MEPE: variants seen among roughly 807,000 people sequenced by gnomAD.
The protein encoded by MEPE is matrix, extracellular phosphoglycoprotein with ASARM motif (bone).
Under a neutral mutation model 7.3 loss-of-function variants are expected in MEPE, and 7 were observed. The ratio of observed to expected loss-of-function variants is 0.95; its 90% CI spans 0.54 to 1.79. The LOEUF (loss-of-function observed/expected upper bound fraction) is 1.79. Among genes scored for constraint, MEPE ranks in the 40% most tolerant of loss-of-function variants. The pLI is 0.00. For synonymous variants in MEPE, 214 were observed against 213.1 expected, an observed-to-expected ratio of 1.00 and a Z score of -0.04; for missense variants, 623 against 628.2, an observed-to-expected ratio of 0.99 and a Z score of 0.09.
chr4:87,843,050 TA>T (rs1235814763), intron 3 of MEPE, among the ~76,000 whole-genome samples: 2 of 152,194 alleles, frequency 1.3e-5, no homozygotes, highest in African/African-American at 4.8e-5. Flanking sequence ...TTTTACATGT[TA>T]ACATTCCAGT....
intron 3 of MEPE, chr4:87,839,937 C>A: frequency 1.3e-6 from 2 of 1,536,160 alleles, no homozygotes; most frequent in Non-Finnish European, 1.7e-6. Flanking sequence ...GCTCCTCAAG[C>A]CTCTCTACTA....
chr4:87,825,287 T>C (rs780575888), intron 1 of MEPE, among the ~76,000 whole-genome samples: 7 of 152,232 alleles, frequency 4.6e-5, no homozygotes, highest in African/African-American at 7.2e-5. Flanking sequence ...AGCTGTAGGT[T>C]AGTTCTGTAA....
At chr4:87,823,874 T>C (rs1056102945) in intron 1 of MEPE, among the ~76,000 whole-genome samples, 6 of 152,202 alleles carry the variant, frequency 3.9e-5, no homozygotes, top group Non-Finnish European at 8.8e-5. Context: ...GACATTTTGT[T>C]TATCCATGTA....
intron 2 of MEPE, among the ~76,000 whole-genome samples, chr4:87,836,758 T>C (rs1560538076): frequency 6.6e-6 from 1 of 152,212 alleles, no homozygotes; most frequent in African/African-American, 2.4e-5. Context: ...CCTGGGACTT[T>C]GAGGCAGAAG....
intron 1 of MEPE, 149 bp from the exon 2 acceptor site, chr4:87,834,554 T>C: frequency 2.0e-6 from 1 of 511,614 alleles, no homozygotes; most frequent in Non-Finnish European, 3.4e-6. Flanking sequence ...ATAAGCAAGT[T>C]ATACATAGTC....
rs181326763 is a variant in MEPE at position 87,834,627 on chromosome 4, T to C, written c.-12-76T>C. 1.3e-5 allele frequency: 14 copies of C among 1,103,572 alleles called. No homozygotes were observed. The Admixed American group carries it at 2.1e-4, about 17-fold the overall frequency. The allele number at this position is 1,103,572 out of a possible 1,614,324, so 68.4% of individuals were successfully genotyped here. ...GGGGAAGGGTGTTTATATATTCCTA[T>C]GTGTTTTATCTCTTCTTATGGCTGC... On this transcript the variant is annotated intron_variant, in intron 1 of 3. Coordinates refer to ENST00000361056, the MANE Select transcript of MEPE (RefSeq NM_020203.6).
At chr4:87,840,370 T>G (rs1337579757) in intron 3 of MEPE, among the ~76,000 whole-genome samples, 1 of 152,210 alleles carries the variant, frequency 6.6e-6, no homozygotes, top group African/African-American at 2.4e-5. Context: ...TGAAATGCCA[T>G]CAGCAAAAGG....
rs1253309518 is a variant in MEPE at position 87,846,268 on chromosome 4, G to T, written c.1400G>T (p.Arg467Ile). Reference sequence around the variant, plus strand: ...CATGAGAATATAATAACACATGGCAGAAAATATCATTATGTACCCCACAGA... The same window carrying T: ...CATGAGAATATAATAACACATGGCATAAAATATCATTATGTACCCCACAGA... The part of the protein sequence containing the change: ...PSHENIITHG[R>I]KYHYVPHRQN... Residue 467 changes from arginine to isoleucine, a missense_variant, in exon 4 of 4, where the codon AGA (arginine) becomes ATA (isoleucine). Arg to Ile is a moderately conservative substitution (Grantham distance 97). Transcript: ENST00000361056. The T allele has an allele frequency of 1.9e-6, 3 of 1,614,054 alleles. No homozygotes were observed. In the South Asian group the frequency reaches 3.3e-5, roughly 18 times the overall value.
chr4:87,831,286 A>G (rs1722593297), upstream of MEPE, among the ~76,000 whole-genome samples: 1 of 152,148 alleles, frequency 6.6e-6, no homozygotes, highest in Non-Finnish European at 1.5e-5. Context: ...TAAATTGTCC[A>G]TCTTATAAAA....
chr4:87,845,487 C>A lies in MEPE; in HGVS notation c.619C>A (p.Pro207Thr). 6.2e-7 allele frequency: 1 copy of A among 1,613,688 alleles called. No homozygotes were observed. The highest frequency in any genetic ancestry group is 8.5e-7 in the Non-Finnish European group (1 of 1,179,926). Reference sequence around the variant, plus strand: ...AAGAGATTCCCAAGCCCAGAAAAGTCCAGTAAAAAGCAAAAGCACCCATCG... The same window carrying A: ...AAGAGATTCCCAAGCCCAGAAAAGTACAGTAAAAAGCAAAAGCACCCATCG... ...PQRDSQAQKSPVKSKSTHRIQ... is the reference protein window; with the variant it reads ...PQRDSQAQKSTVKSKSTHRIQ... Residue 207 changes from proline to threonine, a missense_variant, in exon 4 of 4, where the codon CCA becomes ACA. By Grantham distance (38) the Pro-to-Thr change is conservative. Transcript: ENST00000361056.
At chr4:87,843,201 T>C (rs2110009967) in intron 3 of MEPE, among the ~76,000 whole-genome samples, 1 of 152,316 alleles carries the variant, frequency 6.6e-6, no homozygotes, top group African/African-American at 2.4e-5. Context: ...ACATGTTCTT[T>C]CTTACCACTG....
Position 87,845,163 on chromosome 4 carries a change from G to C in MEPE, c.295G>C (p.Glu99Gln). The C allele has an allele frequency of 6.2e-7, 1 of 1,613,524 alleles. No homozygotes were observed. The highest frequency in any genetic ancestry group is 8.5e-7 in the Non-Finnish European group (1 of 1,179,710). ...CACAAATAGACAGAGACTGAATAAA[G>C]AATATAGTATCAGTAACAAAGAGAA... ...YFTNRQRLNK[E>Q]YSISNKENTH... is the part of the protein sequence containing the mutation. Residue 99 changes from glutamate (E) to glutamine (Q), a missense_variant, in exon 4 of 4, where the codon GAA becomes CAA. Physicochemically the swap from Glu to Gln is conservative, Grantham distance 29. Transcript: ENST00000361056.
At chr4:87,833,308 C>A (rs2109994622) in intron 1 of MEPE, among the ~76,000 whole-genome samples, 1 of 152,254 alleles carries the variant, frequency 6.6e-6, no homozygotes, top group Non-Finnish European at 1.5e-5. Context: ...CTTCACTTAA[C>A]AAACTGCAAT....
At position 87,844,984 on chromosome 4, in the gene MEPE, A is replaced by G. The variant is rs776728335; in HGVS notation, c.116A>G (p.Glu39Gly). Residue 39 changes from glutamate to glycine, a missense_variant, in exon 4 of 4, where the codon GAA becomes GGA. By Grantham distance (98) the Glu-to-Gly change is moderately conservative. Coordinates refer to ENST00000361056, the MANE Select transcript of MEPE (RefSeq NM_020203.6). ...TTGAAAATTGTATTTTAGCAGGAAG[A>G]AAAAAACAAAGACAATATTGGTTTT... ...QSCVEEQRQEEKNKDNIGFHH... is the reference protein window; with the variant it reads ...QSCVEEQRQEGKNKDNIGFHH... 16 of 1,539,194 alleles carry G rather than the reference A, an allele frequency of 1.0e-5. No individual in the cohort carries two copies. Among genetic ancestry groups the G allele is most frequent in the South Asian group, 7.8e-5 (6 of 77,402 alleles).
upstream of MEPE, among the ~76,000 whole-genome samples, chr4:87,828,769 A>G (rs79111227): frequency 0.012 from 1,871 of 152,290 alleles, 42 homozygotes; most frequent in African/African-American, 0.043. Context: ...TTTGAGGAGC[A>G]ACTCTGTGTG....
At chr4:87,821,919 G>A (rs898961788) in intron 1 of MEPE, among the ~76,000 whole-genome samples, 1 of 152,062 alleles carries the variant, frequency 6.6e-6, no homozygotes, top group Non-Finnish European at 1.5e-5. Context: ...TAATCCCAGC[G>A]TGCACACCTC....
chr4:87,834,828 T>A, intron 2 of MEPE, 60 bp downstream of exon 2: 2 of 1,440,974 alleles, frequency 1.4e-6, no homozygotes, highest in Non-Finnish European at 1.9e-6. Context: ...CATTTGTTTT[T>A]CTTTCAAGCA....
At chr4:87,822,402 G>C (rs1722359147) in intron 1 of MEPE, among the ~76,000 whole-genome samples, 1 of 152,146 alleles carries the variant, frequency 6.6e-6, no homozygotes, top group South Asian at 2.1e-4. Context: ...AAGCAATTAA[G>C]TGGTCCCCGG....
chr4:87,845,478 C>T lies in MEPE; in HGVS notation c.610C>T (p.Gln204Ter). The T allele has an allele frequency of 6.2e-7, 1 of 1,613,740 alleles. No individual in the cohort carries two copies. Among genetic ancestry groups the T allele is most frequent in the Non-Finnish European group, 8.5e-7 (1 of 1,179,928 alleles). The stretch of plus-strand genomic sequence containing the variant: ...GAAGCCTCAAAGAGATTCCCAAGCC[C>T]AGAAAAGTCCAGTAAAAAGCAAAAG... Reference protein sequence around the residue: ...KKKPQRDSQAQKSPVKSKSTH... With the variant: ...KKKPQRDSQA The change falls in exon 4 of 4, where the codon CAG becomes TAG. Residue 204 changes from glutamine (Q) to a stop codon, truncating the protein, a stop_gained. Coordinates refer to ENST00000361056, the MANE Select transcript of MEPE (RefSeq NM_020203.6). LOFTEE classifies it low-confidence loss of function (END_TRUNC).
Sources: allele counts gnomAD v4.1 joint callset (sites outside exome capture counted in the v4.1 genomes callset), GRCh38; gene constraint gnomAD v4.1.1; transcripts MANE v1.5; gene names NCBI Gene and HGNC (gene_info 2026-07-23, HGNC 2026-07-21).